The following KAT14 variants were observed in gnomAD, a reference collection of about 807,000 sequenced individuals.
The protein encoded by KAT14 is cysteine-rich protein 2-binding protein.
KAT14 carries 66 observed loss-of-function variants against 78.4 expected under a neutral mutation model. That is an observed-to-expected ratio of 0.84 (90% CI 0.69 to 1.03). The LOEUF is 1.03. KAT14 is among the 50% of genes least tolerant of loss of function. KAT14 has a pLI of 0.00. For synonymous variants in KAT14, 344 were observed against 359.4 expected (o/e 0.96, Z 0.48); for missense variants, 870 against 972.5 (o/e 0.89, Z 1.40).
intron 4 of KAT14, among the ~76,000 whole-genome samples, chr20:18,155,688 C>T (rs979630206): frequency 7.9e-5 from 12 of 152,152 alleles, no homozygotes; most frequent in Non-Finnish European, 1.2e-4. Context: ...ATCTATAACA[C>T]GATACCACCT....
rs1249201392 is a variant in KAT14 at position 18,137,927 on chromosome 20, A to G, written c.-578A>G. On this transcript the variant is annotated 5_prime_UTR_variant, in exon 1 of 11. Coordinates refer to ENST00000688188, the MANE Select transcript of KAT14 (RefSeq NM_001392073.1). ...GGCCTCTGCGCCTCGGGCGGGCGGG[A>G]GAGAGAGGCCGCGGCCGCCAGCGTG... 43 of 1,471,034 alleles carry G rather than the reference A, an allele frequency of 2.9e-5. No homozygotes were observed. The highest frequency in any genetic ancestry group is 3.8e-5 in the Non-Finnish European group (43 of 1,117,856). 91.1% of individuals were successfully genotyped at this position (1,471,034 alleles called of 1,614,324 possible).
intron 3 of KAT14, among the ~76,000 whole-genome samples, chr20:18,147,300 A>C (rs2037864322): frequency 6.6e-6 from 1 of 152,204 alleles, no homozygotes; most frequent in African/African-American, 2.4e-5. Context: ...AGCCTTATGA[A>C]TATTATAACT....
Position 18,187,408 on chromosome 20 carries a change from A to G in KAT14, c.2295A>G (p.Pro765=), listed in dbSNP as rs2039483422. Residue 765 remains proline (P), a synonymous_variant, in exon 11 of 11, where the codon CCA becomes CCG. Coordinates refer to ENST00000688188, the MANE Select transcript of KAT14 (RefSeq NM_001392073.1). The stretch of plus-strand genomic sequence containing the variant: ...TAGATTTCTATGATAAATATTACCC[A>G]TTGGAGAGTACAGAGTGTAAACACG... ...YVLDFYDKYY[P]LESTECKHAF... 1.2e-6 allele frequency: 2 copies of G among 1,614,236 alleles called. No homozygotes were observed. Among genetic ancestry groups the G allele is most frequent in the Non-Finnish European group, 1.7e-6 (2 of 1,180,040 alleles).
intron 7 of KAT14, among the ~76,000 whole-genome samples, chr20:18,164,048 G>C (rs1393052893): frequency 2.0e-5 from 3 of 152,236 alleles, no homozygotes; most frequent in Admixed American, 2.0e-4. Context: ...GAGTGTGGCT[G>C]TGTTCCAGTA....
chr20:18,162,568 G>T lies in KAT14; in HGVS notation c.1291G>T (p.Asp431Tyr). Residue 431 changes from aspartate (D) to tyrosine (Y), a missense_variant, in exon 7 of 11, where the codon GAT becomes TAT. Asp to Tyr is a radical substitution (Grantham distance 160). Transcript: ENST00000688188. ...DRMDIDSEDTDSNTSLQTRAR... is the reference protein window; with the variant it reads ...DRMDIDSEDTYSNTSLQTRAR... ...GATGGATATTGACAGTGAAGACACAGATTCAAACACATCTTTGCAAACAAG... is the reference window on the plus strand; with the variant it reads ...GATGGATATTGACAGTGAAGACACATATTCAAACACATCTTTGCAAACAAG... 3 of 1,614,160 alleles carry T rather than the reference G, an allele frequency of 1.9e-6. No individual in the cohort carries two copies. In the South Asian group the frequency reaches 3.3e-5, roughly 18 times the overall value.
At chr20:18,159,878 T>A (rs895995632) in intron 5 of KAT14, among the ~76,000 whole-genome samples, 9 of 152,218 alleles carry the variant, frequency 5.9e-5, no homozygotes, top group Admixed American at 4.6e-4. Context: ...AAAAAGCTTT[T>A]AATGAGCTTT....
At chr20:18,139,656 GTGTGTGTGTGTGTGTGTGTT>G (rs1446939512) in intron 1 of KAT14, among the ~76,000 whole-genome samples, 41 of 145,550 alleles carry the variant, frequency 2.8e-4, no homozygotes, top group African/African-American at 4.9e-5. Flanking sequence ...GTGTGTGTGT[GTGTGTGTGTGTGTGTGTGTT>G]TATTTTTTTT....
rs1444980264 is a variant in KAT14, at chr20:18,162,155, CCTGCCTCTCATT to C, written c.1021_1032del (p.Ser341_Ala344del). ...TCTGGATTTCTCTGCCCCTGGTACACCTGCCTCTCATTCTGCCACACCTAGCTTGCTTTCAGA... is the reference window on the plus strand; with the variant it reads ...TCTGGATTTCTCTGCCCCTGGTACACCTGCCACACCTAGCTTGCTTTCAGA... On this transcript the variant is annotated inframe_deletion, in exon 6 of 11. Coordinates refer to ENST00000688188, the MANE Select transcript of KAT14 (RefSeq NM_001392073.1). 1 of 1,614,254 alleles carries C rather than the reference CCTGCCTCTCATT, an allele frequency of 6.2e-7. No homozygotes were observed. Among genetic ancestry groups the C allele is most frequent in the East Asian group, 2.2e-5 (1 of 44,886 alleles).
chr20:18,142,677 A>T lies in KAT14; in HGVS notation c.17A>T (p.His6Leu), dbSNP rs1454931502. The T allele has an allele frequency of 6.2e-7, 1 of 1,614,100 alleles. No homozygotes were observed. Among genetic ancestry groups the T allele is most frequent in the African/African-American group, 1.3e-5 (1 of 74,936 alleles). Residue 6 changes from histidine (H) to leucine (L), a missense_variant, in exon 2 of 11, where the codon CAC (histidine) becomes CTC (leucine). Transcript: ENST00000688188. ...AAGGAAGGGATGGATAGTAGCATCC[A>T]CCTGAGTAGTCTGATCAGTCGGCAT... Reference protein sequence around the residue: MDSSIHLSSLISRHDD... With the variant: MDSSILLSSLISRHDD...
In KAT14 at chr20:18,142,900, C is replaced by G. The variant is rs749104372; in HGVS notation, c.240C>G (p.Cys80Trp). 2 of 1,613,766 alleles carry G rather than the reference C, an allele frequency of 1.2e-6. No homozygotes were observed. Among genetic ancestry groups the G allele is most frequent in the Admixed American group, 3.3e-5 (2 of 59,974 alleles). Residue 80 changes from cysteine to tryptophan, a missense_variant, in exon 2 of 11, where the codon TGC becomes TGG. By Grantham distance (215) the Cys-to-Trp change is radical (BLOSUM62 -2). Coordinates refer to ENST00000688188, the MANE Select transcript of KAT14 (RefSeq NM_001392073.1). ...EEQLSYFCDKCQKWIPASQLR... is the reference protein window; with the variant it reads ...EEQLSYFCDKWQKWIPASQLR... ...AGCTGTCCTACTTCTGTGACAAGTGCCAAAAATGGATACCAGCCAGTAAGG... is the reference window on the plus strand; with the variant it reads ...AGCTGTCCTACTTCTGTGACAAGTGGCAAAAATGGATACCAGCCAGTAAGG...
chr20:18,182,055 C>T (rs778641571), intron 8 of KAT14, among the ~76,000 whole-genome samples: 2 of 152,042 alleles, frequency 1.3e-5, no homozygotes, highest in African/African-American at 2.4e-5. Context: ...TTGAAAGAAA[C>T]TTAAAAAGCA....
intron 4 of KAT14, among the ~76,000 whole-genome samples, chr20:18,154,186 A>T (rs2038143127): frequency 6.6e-6 from 1 of 152,222 alleles, no homozygotes; most frequent in Admixed American, 6.5e-5. Flanking sequence ...CTGTGTATGA[A>T]TGTTAACAAG....
At chr20:18,177,362 G>C (rs2039085835) in intron 7 of KAT14, among the ~76,000 whole-genome samples, 1 of 152,172 alleles carries the variant, frequency 6.6e-6, no homozygotes, top group Non-Finnish European at 1.5e-5. Context: ...TTAAGACCTA[G>C]ACTCAAAAGT....
At chr20:18,183,094 G>A in intron 8 of KAT14, 29 bp from the exon 9 acceptor site, 2 of 1,578,768 alleles carry the variant, frequency 1.3e-6, no homozygotes, top group Non-Finnish European at 1.7e-6. Context: ...TTCTTGACTT[G>A]AATTTGTTTA....
chr20:18,139,821 C>T (rs147194923), intron 1 of KAT14, among the ~76,000 whole-genome samples: 1 of 152,186 alleles, frequency 6.6e-6, no homozygotes, highest in Non-Finnish European at 1.5e-5. Context: ...ATATTGATTC[C>T]TGACCGTCTA....
rs753656846 is a variant in KAT14 at position 18,181,744 on chromosome 20, A to G, written c.1703A>G (p.Gln568Arg). The G allele has an allele frequency of 6.2e-7, 1 of 1,614,106 alleles. No homozygotes were observed. Among genetic ancestry groups the G allele is most frequent in the Non-Finnish European group, 8.5e-7 (1 of 1,180,036 alleles). The change falls in exon 8 of 11, where the codon CAG becomes CGG. Residue 568 changes from glutamine (Q) to arginine (R), a missense_variant. Physicochemically the swap from Gln to Arg is conservative, Grantham distance 43. Transcript: ENST00000688188. ...SLPSRKGFRH[Q>R]TTKFLYRLVG... ...CCGTCCAGGAAGGGATTTCGACACC[A>G]GACCACCAAGTTTTTGTATCGCTTG...
At chr20:18,174,277 T>C (rs1192612537) in intron 7 of KAT14, among the ~76,000 whole-genome samples, 2 of 152,248 alleles carry the variant, frequency 1.3e-5, no homozygotes, top group African/African-American at 4.8e-5. Context: ...GCTTTGAACA[T>C]ATGTATACAA....
intron 10 of KAT14, among the ~76,000 whole-genome samples, 187 bp from the exon 11 acceptor site, chr20:18,187,099 T>A (rs2039473098): frequency 6.6e-6 from 1 of 152,230 alleles, no homozygotes; most frequent in Admixed American, 6.5e-5. Context: ...GTCTTGTGAA[T>A]GTTTTGATCA....
At position 18,142,271 on chromosome 20, in the gene KAT14, C is replaced by T. The variant is rs978477902; in HGVS notation, c.-390C>T. 6.5e-7 allele frequency: 1 copy of T among 1,537,122 alleles called. No individual in the cohort carries two copies. Among genetic ancestry groups the T allele is most frequent in the East Asian group, 2.4e-5 (1 of 40,898 alleles). On this transcript the variant is annotated 5_prime_UTR_variant, in exon 2 of 11. Transcript: ENST00000688188. ...AATTCGGAAAAAAGAAAACATTCGT[C>T]TTTTGGGAGAACAGATTATTTTGAC... is the stretch of plus-strand genomic sequence containing the variant.
Sources: gnomAD v4.1 joint callset for allele counts (sites outside exome capture counted in the v4.1 genomes callset) on GRCh38, gnomAD v4.1.1 for gene constraint, MANE v1.5 for transcripts, NCBI Gene and HGNC (gene_info 2026-07-23, HGNC 2026-07-21) for gene names.